HERC2: variants seen among roughly 807,000 people sequenced by gnomAD.
HERC2 encodes HECT and RLD domain containing E3 ubiquitin protein ligase 2.
A neutral mutation model predicts 537.7 loss-of-function variants in HERC2; 102 were observed. The ratio of observed to expected loss-of-function variants is 0.19; its 90% CI spans 0.16 to 0.22. The LOEUF (loss-of-function observed/expected upper bound fraction) is 0.22, where lower values mean the gene tolerates loss of function less well. HERC2 is among the 10% of genes least tolerant of loss of function. The pLI is 1.00. For missense variants in HERC2, 4,236 were observed against 6,198.2 expected, an observed-to-expected ratio of 0.68 and a Z score of 10.63; for synonymous variants, 2,224 against 2,466.2, an observed-to-expected ratio of 0.90 and a Z score of 2.91.
Position 28,130,563 on chromosome 15 carries a change from TTAAC to T in HERC2, c.12598_12601del (p.Val4200LysfsTer95). 1 of 1,614,002 alleles carries T rather than the reference TTAAC, an allele frequency of 6.2e-7. No homozygotes were observed. The highest frequency in any genetic ancestry group is 8.5e-7 in the Non-Finnish European group (1 of 1,179,894). ...AGAAAACTGGGATCCGCATTCCACT[TTAAC>T]TACTCCAAGACCAGTAAGAGAATCA... On this transcript the variant is annotated frameshift_variant, in exon 82 of 93. Transcript: ENST00000261609. LOFTEE classifies it high-confidence loss of function.
intron 4 of HERC2, among the ~76,000 whole-genome samples, chr15:28,288,180 A>G (rs2076211306): frequency 6.6e-6 from 1 of 152,190 alleles, no homozygotes; most frequent in South Asian, 2.1e-4. Context: ...AAGGAAAACG[A>G]TAACACAAGG....
chr15:28,161,730 A>G (rs1893621342), intron 69 of HERC2, among the ~76,000 whole-genome samples: 1 of 152,214 alleles, frequency 6.6e-6, no homozygotes, highest in African/African-American at 2.4e-5. Flanking sequence ...CATTTCCACA[A>G]TGACAAAGTC....
chr15:28,290,538 ATT>A (rs939446653), intron 4 of HERC2, among the ~76,000 whole-genome samples: 2 of 152,120 alleles, frequency 1.3e-5, no homozygotes, highest in African/African-American at 4.8e-5. Flanking sequence ...CTACATTCTT[ATT>A]ATGTGTGCAT....
chr15:28,264,463 G>C (rs1224772447), intron 14 of HERC2, among the ~76,000 whole-genome samples: 1 of 152,164 alleles, frequency 6.6e-6, no homozygotes, highest in Non-Finnish European at 1.5e-5. Flanking sequence ...TGTTCACATA[G>C]CCCACCTGGC....
chr15:28,241,692 C>T (rs755353698), intron 23 of HERC2, among the ~76,000 whole-genome samples: 24 of 152,008 alleles, frequency 1.6e-4, no homozygotes, highest in Non-Finnish European at 2.8e-4. Context: ...TGGTGGCGCA[C>T]GCCTGTAGTC....
In HERC2 at chr15:28,132,288, C is replaced by T. The variant is rs1377011002; in HGVS notation, c.12409-27G>A. The T allele has an allele frequency of 7.0e-6, 11 of 1,581,758 alleles. No individual in the cohort carries two copies. In the African/African-American group the frequency reaches 1.4e-4, roughly 19 times the overall value. ...TTCAGAGAAAAGGGACTTGGGTTGG[C>T]CAAGCACAACACAAGAAGGCTTGCC... On this transcript the variant is annotated intron_variant, in intron 80 of 92. Coordinates refer to ENST00000261609, the MANE Select transcript of HERC2 (RefSeq NM_004667.6).
intron 2 of HERC2, among the ~76,000 whole-genome samples, chr15:28,304,279 T>A (rs1370910554): frequency 6.6e-6 from 1 of 151,654 alleles, no homozygotes; most frequent in Non-Finnish European, 1.5e-5. Flanking sequence ...TTTGGTGGAG[T>A]TTTCAGGTTT....
rs116734224 is a variant in HERC2, at chr15:28,150,264, G to A, written c.10900+2413C>T. 4.0e-3 allele frequency among the ~76,000 whole-genome samples: 597 copies of A among 150,086 alleles called. 6 individuals carry two copies. The highest frequency in any genetic ancestry group is 0.014 in the African/African-American group (567 of 40,776). ...TAGTAAAATTACCGAAGAAACACAC[G>A]CGGCTTCTAACCGAGAACATCACTG... On this transcript the variant is annotated intron_variant, in intron 70 of 92. Transcript: ENST00000261609.
Position 28,222,208 on chromosome 15 carries a change from A to C in HERC2, c.5472T>G (p.Ser1824Arg). ...TCATATCTTCCTCAACGTTGTCACA[A>C]CTGGGGCCTGATGGAGCGTCAAAAA... is the stretch of plus-strand genomic sequence containing the variant. ...TQTALRLIGP[S>R]CDNVEEDMNA... Residue 1824 changes from serine to arginine, a missense_variant, in exon 36 of 93, where the codon AGT (serine) becomes AGG (arginine). By Grantham distance (110) the Ser-to-Arg change is moderately radical. Coordinates refer to ENST00000261609, the MANE Select transcript of HERC2 (RefSeq NM_004667.6). 3.1e-6 allele frequency: 5 copies of C among 1,593,538 alleles called. No homozygotes were observed. Among genetic ancestry groups the C allele is most frequent in the Non-Finnish European group, 4.3e-6 (5 of 1,176,258 alleles).
chr15:28,233,022 T>C (rs1423600602), intron 30 of HERC2, 124 bp downstream of exon 30: 25 of 702,492 alleles, frequency 3.6e-5, no homozygotes, highest in Non-Finnish European at 4.8e-6. Context: ...ATAAAAATGA[T>C]GGCAGCAGGT....
chr15:28,147,072 AGCTAGTATGTGGTT>A (rs1163679401), intron 70 of HERC2, among the ~76,000 whole-genome samples: 16 of 144,906 alleles, frequency 1.1e-4, no homozygotes, highest in African/African-American at 4.2e-4. Context: ...ACAGGGAGGC[AGCTAGTATGTGGTT>A]GCTAGGATGA....
At chr15:28,180,227 C>T (rs1895697191) in intron 57 of HERC2, among the ~76,000 whole-genome samples, 1 of 152,196 alleles carries the variant, frequency 6.6e-6, no homozygotes, top group African/African-American at 2.4e-5. Flanking sequence ...CAACTGCCTA[C>T]CATATTCAGT....
intron 72 of HERC2, 43 bp downstream of exon 72, chr15:28,144,630 C>T (rs768422574): frequency 6.2e-7 from 1 of 1,613,536 alleles, no homozygotes; most frequent in Non-Finnish European, 8.5e-7. Context: ...AAACAATCCA[C>T]AGCCAGTCAT....
At chr15:28,133,786 A>G (rs1188020273) in intron 79 of HERC2, among the ~76,000 whole-genome samples, 1 of 152,252 alleles carries the variant, frequency 6.6e-6, no homozygotes, top group Non-Finnish European at 1.5e-5. Flanking sequence ...TTCCACACTC[A>G]TCTTGTCAGC....
intron 38 of HERC2, among the ~76,000 whole-genome samples, chr15:28,218,217 C>T (rs548644132): frequency 1.3e-4 from 20 of 151,948 alleles, no homozygotes; most frequent in South Asian, 2.1e-4. Context: ...AGCCGAGGAA[C>T]GCTAAAGAGA....
chr15:28,241,349 T>C (rs1903095267), intron 23 of HERC2, among the ~76,000 whole-genome samples: 1 of 151,490 alleles, frequency 6.6e-6, no homozygotes, highest in South Asian at 2.1e-4. Flanking sequence ...CATTGATGGC[T>C]ACTATCAAAA....
intron 5 of HERC2, among the ~76,000 whole-genome samples, chr15:28,279,654 T>C (rs575350678): frequency 1.7e-5 from 2 of 119,308 alleles, no homozygotes; most frequent in East Asian, 3.4e-4. Flanking sequence ...CACACACAAA[T>C]TGTTTTTATT....
intron 57 of HERC2, among the ~76,000 whole-genome samples, chr15:28,181,324 C>T (rs1394079506): frequency 6.6e-6 from 1 of 152,202 alleles, no homozygotes; most frequent in Non-Finnish European, 1.5e-5. Flanking sequence ...CCTCAGGGAC[C>T]TCTGGACAGC....
chr15:28,218,798 T>C lies in HERC2; in HGVS notation c.5846-127A>G, dbSNP rs1567030997. 8.4e-6 allele frequency: 7 copies of C among 828,946 alleles called. No homozygotes were observed. The East Asian group carries it at 1.5e-4, about 18-fold the overall frequency. The allele number at this position is 828,946 out of a possible 1,614,324, so 51.3% of individuals were successfully genotyped here. On this transcript the variant is annotated intron_variant, in intron 37 of 92. Coordinates refer to ENST00000261609, the MANE Select transcript of HERC2 (RefSeq NM_004667.6). ...GAAGACTTGAATTTTAGTGCAGTTT[T>C]AGGTTCACGCAAAATTGAAAGTACA...
Sources: gnomAD v4.1 joint callset for allele counts (sites outside exome capture counted in the v4.1 genomes callset) on GRCh38, gnomAD v4.1.1 for gene constraint, MANE v1.5 for transcripts, NCBI Gene and HGNC (gene_info 2026-07-23, HGNC 2026-07-21) for gene names.